Variants in CNST observed in about 807,000 individuals in gnomAD.
The protein encoded by CNST is consortin.
CNST carries 39 observed loss-of-function variants against 72.4 expected under a neutral mutation model. The observed-to-expected ratio is 0.54, with a 90% CI of 0.42 to 0.70. The LOEUF (loss-of-function observed/expected upper bound fraction) is 0.70. CNST is among the 30% of genes least tolerant of loss of function. The pLI is 0.00. For missense variants in CNST, 871 were observed against 868.5 expected (o/e 1.00, Z -0.04); for synonymous variants, 332 against 320.1 (o/e 1.04, Z -0.40).
At chr1:246,586,111 A>ATGTGTGTGTGTGTGTGTGTG (rs113258007) in intron 1 of CNST, among the ~76,000 whole-genome samples, 1 of 102,700 alleles carries the variant, frequency 9.7e-6, no homozygotes, top group Non-Finnish European at 1.8e-5. Context: ...ATATATATAT[A>ATGTGTGTGTGTGTGTGTGTG]TGTGTGTGTG....
chr1:246,648,374 A>T (rs1666252115), intron 9 of CNST: 1 of 291,708 alleles, frequency 3.4e-6, no homozygotes, highest in African/African-American at 2.3e-5. Flanking sequence ...CTAATAAGGA[A>T]GTCTCATTTT....
chr1:246,655,792 T>C (rs1053726843), intron 9 of CNST, among the ~76,000 whole-genome samples: 1 of 152,216 alleles, frequency 6.6e-6, no homozygotes, highest in African/African-American at 2.4e-5. Context: ...AGCAAGTTAC[T>C]CAAGCCCTTG....
chr1:246,615,189 T>C (rs972945015), intron 2 of CNST, among the ~76,000 whole-genome samples: 2 of 152,170 alleles, frequency 1.3e-5, no homozygotes, highest in African/African-American at 2.4e-5. Context: ...AATTTTTTTT[T>C]CTTTGAGACG....
intron 1 of CNST, among the ~76,000 whole-genome samples, chr1:246,573,100 T>G (rs1322591055): frequency 6.6e-6 from 1 of 152,264 alleles, no homozygotes; most frequent in Non-Finnish European, 1.5e-5. Flanking sequence ...TACCCATTTT[T>G]GGCATCTTAA....
rs1291668330 is a variant in CNST at position 246,643,061 on chromosome 1, T to A, written c.937+1024T>A. ...ACACCACGGCGCCCCAGTTAATTTT[T>A]AAAAATTTTTGTGGGTATGGAGGTC... is the stretch of plus-strand genomic sequence containing the variant. On this transcript the variant is annotated intron_variant, in intron 8 of 10. Transcript: ENST00000366513. 2.0e-5 allele frequency among the ~76,000 whole-genome samples: 3 copies of A among 151,180 alleles called. No individual in the cohort carries two copies. The East Asian group carries it at 6.0e-4, about 30-fold the overall frequency.
chr1:246,586,528 C>G (rs1023606278), intron 1 of CNST, among the ~76,000 whole-genome samples: 3 of 150,488 alleles, frequency 2.0e-5, no homozygotes, highest in African/African-American at 7.3e-5. Context: ...AAGTACACCA[C>G]CAAAGTTTGG....
intron 1 of CNST, among the ~76,000 whole-genome samples, chr1:246,573,300 A>G (rs1660181775): frequency 6.6e-6 from 1 of 152,236 alleles, no homozygotes; most frequent in Non-Finnish European, 1.5e-5. Context: ...TCCCTACTTT[A>G]ATCATGTAAT....
At chr1:246,609,122 C>T (rs1663129363) in intron 2 of CNST, among the ~76,000 whole-genome samples, 1 of 152,160 alleles carries the variant, frequency 6.6e-6, no homozygotes, top group South Asian at 2.1e-4. Flanking sequence ...ATGTCATAAT[C>T]ACATAATACA....
At chr1:246,646,638 G>T (rs892144005) in intron 8 of CNST, among the ~76,000 whole-genome samples, 2 of 151,906 alleles carry the variant, frequency 1.3e-5, no homozygotes, top group African/African-American at 4.8e-5. Flanking sequence ...GTGCCACCAC[G>T]CCCAGCTAAT....
Position 246,666,181 on chromosome 1 carries a change from A to G in CNST, c.*276A>G. The G allele has an allele frequency of 2.6e-6, 1 of 380,544 alleles. No homozygotes were observed. The highest frequency in any genetic ancestry group is 4.2e-5 in the Admixed American group (1 of 23,778). 23.6% of individuals were successfully genotyped at this position (380,544 alleles called of 1,614,324 possible). A position where few individuals can be genotyped will look rare whatever the true frequency, so the allele number is the denominator to read the frequency against. On this transcript the variant is annotated 3_prime_UTR_variant, in exon 11 of 11. Transcript: ENST00000366513. Reference sequence around the variant, plus strand: ...ACTGCCTCCTAATGTCATGAGGTACACTGAGCAGAATTAAACAGGGTAGTC... The same window carrying G: ...ACTGCCTCCTAATGTCATGAGGTACGCTGAGCAGAATTAAACAGGGTAGTC...
At position 246,668,064 on chromosome 1, in the gene CNST, A is replaced by T. The variant is rs1304821709; in HGVS notation, c.*2159A>T. 6.6e-6 allele frequency: 1 copy of T among 152,200 alleles called. No homozygotes were observed. The highest frequency in any genetic ancestry group is 1.5e-5 in the Non-Finnish European group (1 of 68,028). 9.4% of individuals were successfully genotyped at this position (152,200 alleles called of 1,614,324 possible). A position where few individuals can be genotyped will look rare whatever the true frequency, so the allele number is the denominator to read the frequency against. ...CAGGGAGGGTGAGGTGAGCTCGGGAACATAACGATGTTTTGACTTACAATA... is the reference window on the plus strand; with the variant it reads ...CAGGGAGGGTGAGGTGAGCTCGGGATCATAACGATGTTTTGACTTACAATA... On this transcript the variant is annotated 3_prime_UTR_variant, in exon 11 of 11. Transcript: ENST00000366513.
At chr1:246,628,919 C>T (rs1244236734) in intron 3 of CNST, among the ~76,000 whole-genome samples, 1 of 152,208 alleles carries the variant, frequency 6.6e-6, no homozygotes, top group Non-Finnish European at 1.5e-5. Context: ...TTCCACTCAG[C>T]ATCTTGCAAT....
chr1:246,605,149 G>A (rs1354421994), intron 2 of CNST, among the ~76,000 whole-genome samples: 1 of 152,204 alleles, frequency 6.6e-6, no homozygotes, highest in South Asian at 2.1e-4. Context: ...AATGAACAGG[G>A]AAAATATGGT....
In CNST at chr1:246,587,883, T is replaced by C. The variant is rs545725432; in HGVS notation, c.-51-3629T>C. Among the ~76,000 whole-genome samples the C allele has an allele frequency of 2.0e-5, 3 of 152,364 alleles. No homozygotes were observed. In the East Asian group the frequency reaches 5.8e-4, roughly 29 times the overall value. On this transcript the variant is annotated intron_variant, in intron 1 of 10. Transcript: ENST00000366513. ...TTCACTTTATCTGCCCCAAGGTTTT[T>C]TTCGGAATATGAGTCACATAGTTTC...
At position 246,578,621 on chromosome 1, in the gene CNST, A is replaced by G. The variant is rs536623703; in HGVS notation, c.-52+11958A>G. Among the ~76,000 whole-genome samples the G allele has an allele frequency of 1.4e-3, 211 of 152,226 alleles. 4 individuals are homozygous for G. In the South Asian group the frequency reaches 0.042, roughly 30 times the overall value. On this transcript the variant is annotated intron_variant, in intron 1 of 10. Coordinates refer to ENST00000366513, the MANE Select transcript of CNST (RefSeq NM_152609.3). ...GGGAGGCGGAGGTTGCAGTGAGCCA[A>G]TATCGTGCCACTGCACTCCAGCCTA... is the stretch of plus-strand genomic sequence containing the variant.
intron 2 of CNST, among the ~76,000 whole-genome samples, chr1:246,611,895 T>G (rs1463246079): frequency 6.6e-6 from 1 of 152,142 alleles, no homozygotes; most frequent in Admixed American, 6.5e-5. Flanking sequence ...ATGTTCAGAT[T>G]TAAAAAGGAA....
intron 3 of CNST, among the ~76,000 whole-genome samples, chr1:246,628,721 G>C (rs1664599555): frequency 6.6e-6 from 1 of 152,130 alleles, no homozygotes; most frequent in South Asian, 2.1e-4. Flanking sequence ...TCACCTCCCA[G>C]ATACCCCCTT....
intron 2 of CNST, among the ~76,000 whole-genome samples, chr1:246,597,943 A>G (rs531939501): frequency 2.0e-5 from 3 of 151,084 alleles, no homozygotes; most frequent in South Asian, 2.1e-4. Context: ...TCTAAATGGT[A>G]GTTGTTGTGT....
intron 3 of CNST, among the ~76,000 whole-genome samples, chr1:246,630,889 G>A (rs1365873957): frequency 6.6e-6 from 1 of 152,186 alleles, no homozygotes; most frequent in East Asian, 1.9e-4. Flanking sequence ...GGGATTACAG[G>A]CATGAGACAC....
Sources: gnomAD v4.1 joint callset for allele counts (sites outside exome capture counted in the v4.1 genomes callset) on GRCh38, gnomAD v4.1.1 for gene constraint, MANE v1.5 for transcripts, NCBI Gene and HGNC (gene_info 2026-07-23, HGNC 2026-07-21) for gene names.